Variants in CLN6 observed in about 807,000 individuals in gnomAD.
CLN6 encodes the protein ceroid-lipofuscinosis neuronal protein 6.
A neutral mutation model predicts 33.3 loss-of-function variants in CLN6; 22 were observed. The observed-to-expected ratio is 0.66, with a 90% confidence interval of 0.47 to 0.94. CLN6 has a LOEUF of 0.94. Ranked by LOEUF, CLN6 falls within the 40% of genes least tolerant of loss-of-function variation. CLN6 has a pLI of 0.00. For synonymous variants in CLN6, 201 were observed against 174.6 expected (o/e 1.15, Z -1.19); for missense variants, 387 against 417.1 (o/e 0.93, Z 0.63).
At position 68,219,291 on chromosome 15, in the gene CLN6, C is replaced by G. The variant is rs908678286; in HGVS notation, c.84-641G>C. Reference sequence around the variant, plus strand: ...GACCAGAGCTTGGCCAATCAGAGCCCTCCAATGAAATGTGCTTTAGAGAGA... The same window carrying G: ...GACCAGAGCTTGGCCAATCAGAGCCGTCCAATGAAATGTGCTTTAGAGAGA... On this transcript the variant is annotated intron_variant, in intron 1 of 6. Coordinates refer to ENST00000249806, the MANE Select transcript of CLN6 (RefSeq NM_017882.3). The surrounding 1 kb of genome is among the most constrained non-coding windows in gnomAD (Gnocchi z 4.2). Among the ~76,000 whole-genome samples, 2 of 152,120 alleles carry G rather than the reference C, an allele frequency of 1.3e-5. No individual in the cohort carries two copies. The highest frequency in any genetic ancestry group is 4.8e-5 in the African/African-American group (2 of 41,414).
chr15:68,217,561 T>C (rs2093223857), intron 2 of CLN6, among the ~76,000 whole-genome samples: 1 of 152,186 alleles, frequency 6.6e-6, no homozygotes, highest in Non-Finnish European at 1.5e-5. Flanking sequence ...GCATGATCAC[T>C]AGTATGTACA....
chr15:68,231,749 C>G (rs1273659525), upstream of CLN6, among the ~76,000 whole-genome samples: 1 of 152,216 alleles, frequency 6.6e-6, no homozygotes, highest in Non-Finnish European at 1.5e-5. Context: ...CCGCTGCTAC[C>G]CCTTGAGGGG....
Position 68,208,136 on chromosome 15 carries a change from G to A in CLN6, c.*4C>T. 6.6e-7 allele frequency: 1 copy of A among 1,512,952 alleles called. No individual in the cohort carries two copies. Among genetic ancestry groups the A allele is most frequent in the Non-Finnish European group, 8.9e-7 (1 of 1,117,482 alleles). 93.7% of individuals were successfully genotyped at this position (1,512,952 alleles called of 1,614,324 possible). On this transcript the variant is annotated 3_prime_UTR_variant, in exon 7 of 7. Coordinates refer to ENST00000249806, the MANE Select transcript of CLN6 (RefSeq NM_017882.3). This position sits in a 1 kb window ranked among gnomAD's most constrained non-coding sequence, Gnocchi z 5.8. ...GCAGAGCGCCAGAGCCTGGTGCCAG[G>A]GACTCAGTGCCGACTGCTGACGTGA...
chr15:68,239,119 C>A (rs948163134), intron 1 of CLN6, among the ~76,000 whole-genome samples: 1 of 151,670 alleles, frequency 6.6e-6, no homozygotes, highest in East Asian at 1.9e-4. Flanking sequence ...TGTGTAACTT[C>A]CATACCAGTA....
In CLN6 at chr15:68,211,883, T is replaced by G. The variant is rs2093206825; in HGVS notation, c.298-20A>C. On this transcript the variant is annotated intron_variant, in intron 3 of 6. Coordinates refer to ENST00000249806, the MANE Select transcript of CLN6 (RefSeq NM_017882.3). The surrounding 1 kb of genome is among the most constrained non-coding windows in gnomAD (Gnocchi z 5.9). ...GATGAGCTGGGGTTCAGAGTGGGGT[T>G]GGCAGCATGACCCCACCTCTGTCAC... 1 of 1,611,830 alleles carries G rather than the reference T, an allele frequency of 6.2e-7. No homozygotes were observed. Among genetic ancestry groups the G allele is most frequent in the Non-Finnish European group, 8.5e-7 (1 of 1,179,284 alleles).
Position 68,229,705 on chromosome 15 carries a change from G to C in CLN6, c.-121C>G. On this transcript the variant is annotated 5_prime_UTR_variant, in exon 1 of 7. Coordinates refer to ENST00000249806, the MANE Select transcript of CLN6 (RefSeq NM_017882.3). ...GGCGGTTCGGGGCGGGCCGGCGAGA[G>C]CGCGCGGCCCTCGGGAGGAACAGGC... The C allele has an allele frequency of 2.8e-6, 2 of 724,640 alleles. No homozygotes were observed. Among genetic ancestry groups the C allele is most frequent in the Non-Finnish European group, 3.9e-6 (2 of 512,426 alleles). 44.9% of individuals were successfully genotyped at this position (724,640 alleles called of 1,614,324 possible).
At position 68,228,217 on chromosome 15, in the gene CLN6, G is replaced by A. The variant is rs2093257881; in HGVS notation, c.83+1285C>T. On this transcript the variant is annotated intron_variant, in intron 1 of 6. Coordinates refer to ENST00000249806, the MANE Select transcript of CLN6 (RefSeq NM_017882.3). This position sits in a 1 kb window ranked among gnomAD's most constrained non-coding sequence, Gnocchi z 4.4. ...CTGCTCAGCCCGCATGTCCGCAGCA[G>A]CAGAAACGAGCCATCCCTCACCTCA... Among the ~76,000 whole-genome samples the A allele has an allele frequency of 1.3e-5, 2 of 152,208 alleles. No individual in the cohort carries two copies. Among genetic ancestry groups the A allele is most frequent in the Non-Finnish European group, 2.9e-5 (2 of 68,028 alleles).
Position 68,209,535 on chromosome 15 carries a change from T to C in CLN6, c.665+102A>G. ...GAAGCACGGGCCCAAAGAGGGCCAG[T>C]CTCCCTGGGGCCACACAGCAGGTCC... On this transcript the variant is annotated intron_variant, in intron 6 of 6. Transcript: ENST00000249806. The surrounding 1 kb of genome is among the most constrained non-coding windows in gnomAD (Gnocchi z 4.9). The C allele has an allele frequency of 6.6e-7, 1 of 1,516,936 alleles. No homozygotes were observed. The highest frequency in any genetic ancestry group is 1.7e-5 in the Admixed American group (1 of 59,504). 94.0% of individuals were successfully genotyped at this position (1,516,936 alleles called of 1,614,324 possible).
At chr15:68,229,335 C>G (rs913453217) in intron 1 of CLN6, among the ~76,000 whole-genome samples, 167 bp downstream of exon 1, 4 of 152,178 alleles carry the variant, frequency 2.6e-5, no homozygotes, top group Non-Finnish European at 5.9e-5. Flanking sequence ...AACGCGGGGG[C>G]ACCGCCGCCA....
At chr15:68,230,648 A>G (rs1389715280), upstream of CLN6, among the ~76,000 whole-genome samples, 10 of 152,160 alleles carry the variant, frequency 6.6e-5, no homozygotes, top group Admixed American at 5.9e-4. The surrounding 1 kb of genome is among the most constrained non-coding windows in gnomAD (Gnocchi z 4.0). Context: ...GAAGATGCCT[A>G]TTGCATCTAC....
chr15:68,239,012 TTG>T (rs1892254659), intron 1 of CLN6, among the ~76,000 whole-genome samples: 2 of 152,184 alleles, frequency 1.3e-5, no homozygotes, highest in Non-Finnish European at 2.9e-5. Context: ...TCTAAGTTCT[TTG>T]TATTCTTCTT....
At chr15:68,214,955 C>T (rs888013410) in intron 2 of CLN6, 52 of 158,894 alleles carry the variant, frequency 3.3e-4, no homozygotes, top group Admixed American at 1.8e-4. Context: ...AAGGAGAAAA[C>T]AAGAATGCTC....
At chr15:68,240,041 T>A (rs1450769179) in intron 1 of CLN6, among the ~76,000 whole-genome samples, 1 of 151,960 alleles carries the variant, frequency 6.6e-6, no homozygotes, top group South Asian at 2.1e-4. Context: ...ATAAAAGAAA[T>A]AAAAAGTTGA....
intron 1 of CLN6, among the ~76,000 whole-genome samples, chr15:68,250,683 T>A (rs1274345033): frequency 6.6e-6 from 1 of 150,682 alleles, no homozygotes; most frequent in Admixed American, 6.6e-5. Context: ...TCGTAGCAGA[T>A]TTTCATGGAG....
Position 68,214,391 on chromosome 15 carries a change from G to A in CLN6, c.199-3C>T. ...AACCACTCGAGAGGGAATACCAGCT[G>A]CGGAGCAAATGGAAGAATGGGCTCA... On this transcript the variant is annotated splice_polypyrimidine_tract_variant and splice_region_variant and intron_variant, in intron 2 of 6. Transcript: ENST00000249806. The A allele has an allele frequency of 6.2e-7, 1 of 1,611,936 alleles. No individual in the cohort carries two copies. Among genetic ancestry groups the A allele is most frequent in the Non-Finnish European group, 8.5e-7 (1 of 1,177,998 alleles).
At chr15:68,214,981 A>C in intron 2 of CLN6, 2 of 93,244 alleles carry the variant, frequency 2.1e-5, no homozygotes, top group Non-Finnish European at 2.3e-5. Flanking sequence ...AGTAGCTGCA[A>C]CTCTTCCTTC....
intron 1 of CLN6, among the ~76,000 whole-genome samples, chr15:68,238,359 G>A (rs911118607): frequency 2.0e-5 from 3 of 151,686 alleles, no homozygotes; most frequent in African/African-American, 4.8e-5. Context: ...AGTCCAGATC[G>A]CGCCACTGCA....
At chr15:68,224,122 T>C (rs1310117635) in intron 1 of CLN6, among the ~76,000 whole-genome samples, 1 of 151,244 alleles carries the variant, frequency 6.6e-6, no homozygotes, top group Non-Finnish European at 1.5e-5. Context: ...AAAAATTAAC[T>C]GGGTATGGTG....
chr15:68,213,066 C>T (rs1488524890), intron 3 of CLN6: 1 of 151,594 alleles, frequency 6.6e-6, no homozygotes, highest in Non-Finnish European at 1.5e-5. Context: ...ACTGCAGGCG[C>T]ACACCACCGC....
Sources: allele counts gnomAD v4.1 joint callset (sites outside exome capture counted in the v4.1 genomes callset), GRCh38; gene constraint gnomAD v4.1.1; non-coding constraint Gnocchi (gnomAD v3.1); transcripts MANE v1.5; gene names NCBI Gene and HGNC (gene_info 2026-07-23, HGNC 2026-07-21).